The following ANKRD13C variants were observed in gnomAD, a reference collection of about 807,000 sequenced individuals.
ANKRD13C encodes ankyrin repeat domain-containing protein 13C.
ANKRD13C carries 16 observed loss-of-function variants against 65.5 expected under a neutral mutation model. The ratio of observed to expected loss-of-function variants is 0.24; its 90% CI spans 0.17 to 0.37. ANKRD13C has a LOEUF of 0.37. Ranked by LOEUF, ANKRD13C falls within the 10% of genes least tolerant of loss-of-function variation. The pLI, the probability that ANKRD13C is intolerant of heterozygous loss-of-function variation, is 1.00. For missense variants in ANKRD13C, 503 were observed against 655.9 expected (o/e 0.77, Z 2.55); for synonymous variants, 235 against 238.7 (o/e 0.98, Z 0.14).
intron 7 of ANKRD13C, 70 bp downstream of exon 7, chr1:70,300,694 G>A: frequency 2.2e-6 from 3 of 1,377,120 alleles, no homozygotes; most frequent in Non-Finnish European, 1.9e-6. Context: ...AAATTATACT[G>A]AGGTTTTGCT....
intron 1 of ANKRD13C, among the ~76,000 whole-genome samples, chr1:70,340,879 G>A (rs904258860): frequency 4.6e-5 from 7 of 152,090 alleles, no homozygotes; most frequent in African/African-American, 9.7e-5. Flanking sequence ...TTTGGAGGCC[G>A]AGGCAGATGG....
At chr1:70,314,205 T>C (rs781109010) in intron 4 of ANKRD13C, among the ~76,000 whole-genome samples, 2 of 151,722 alleles carry the variant, frequency 1.3e-5, no homozygotes, top group Non-Finnish European at 2.9e-5. Context: ...TGTCATCATA[T>C]AATATCTATG....
At chr1:70,327,628 A>G (rs1408477313) in intron 2 of ANKRD13C, among the ~76,000 whole-genome samples, 1 of 152,244 alleles carries the variant, frequency 6.6e-6, no homozygotes, top group African/African-American at 2.4e-5. Context: ...ATATTTTAAC[A>G]ATATCATTAA....
chr1:70,268,508 T>C (rs919226514), intron 12 of ANKRD13C, among the ~76,000 whole-genome samples: 4 of 152,234 alleles, frequency 2.6e-5, no homozygotes, highest in African/African-American at 9.6e-5. Flanking sequence ...AGATCCATAA[T>C]ACAAATGAAG....
intron 1 of ANKRD13C, among the ~76,000 whole-genome samples, chr1:70,350,034 T>C (rs1682682564): frequency 6.6e-6 from 1 of 152,132 alleles, no homozygotes; most frequent in Non-Finnish European, 1.5e-5. Flanking sequence ...TCCTAGCTTC[T>C]CAGGAGGCTG....
At chr1:70,308,163 C>T (rs1158314175) in intron 5 of ANKRD13C, among the ~76,000 whole-genome samples, 1 of 151,894 alleles carries the variant, frequency 6.6e-6, no homozygotes, top group East Asian at 1.9e-4. Flanking sequence ...TATCTCATTA[C>T]TTATTTATTT....
chr1:70,323,646 C>CA (rs200288291), intron 3 of ANKRD13C, among the ~76,000 whole-genome samples: 11,143 of 143,854 alleles, frequency 0.077, 539 homozygotes, highest in Non-Finnish European at 0.11. Context: ...GACTCCCTCT[C>CA]AAAAAAAAAA....
At chr1:70,281,377 G>A (rs1182026130) in intron 9 of ANKRD13C, among the ~76,000 whole-genome samples, 1 of 138,284 alleles carries the variant, frequency 7.2e-6, no homozygotes, top group Non-Finnish European at 1.6e-5. Context: ...GCAGCTAGGT[G>A]TTATCATGTG....
At chr1:70,339,447 T>C (rs903257328) in intron 1 of ANKRD13C, among the ~76,000 whole-genome samples, 20 of 151,296 alleles carry the variant, frequency 1.3e-4, no homozygotes, top group African/African-American at 3.4e-4. Flanking sequence ...GCCTCCCAAG[T>C]AGCTGGGATT....
chr1:70,352,701 T>C (rs547836368), intron 1 of ANKRD13C, among the ~76,000 whole-genome samples: 14 of 152,226 alleles, frequency 9.2e-5, no homozygotes, highest in African/African-American at 1.4e-4. Context: ...AGGGCTAGCA[T>C]AGAATTACCA....
intron 5 of ANKRD13C, among the ~76,000 whole-genome samples, chr1:70,308,150 TTA>T (rs993181740): frequency 2.0e-4 from 30 of 152,196 alleles, no homozygotes; most frequent in African/African-American, 6.7e-4. Flanking sequence ...TTTAACTTCA[TTA>T]TATCTCATTA....
At chr1:70,267,244 T>C (rs1257105283) in intron 12 of ANKRD13C, among the ~76,000 whole-genome samples, 1 of 152,180 alleles carries the variant, frequency 6.6e-6, no homozygotes, top group Non-Finnish European at 1.5e-5. Context: ...GCCAATCCTG[T>C]TTTCCTTTGA....
chr1:70,296,376 AGTTTCTAAATAAT>A (rs1221743205), intron 7 of ANKRD13C, 115 bp from the exon 8 acceptor site: 47 of 1,059,210 alleles, frequency 4.4e-5, no homozygotes, highest in Non-Finnish European at 6.2e-5. Flanking sequence ...CAAAAAGGAT[AGTTTCTAAATAAT>A]GTGAAGTGTT....
chr1:70,299,457 G>A (rs1403334755), intron 7 of ANKRD13C, among the ~76,000 whole-genome samples: 1 of 152,210 alleles, frequency 6.6e-6, no homozygotes, highest in Non-Finnish European at 1.5e-5. Flanking sequence ...GGATAATTTA[G>A]AAGCAGATGA....
chr1:70,282,135 A>C (rs1679424798), intron 9 of ANKRD13C, among the ~76,000 whole-genome samples: 1 of 149,458 alleles, frequency 6.7e-6, no homozygotes, highest in African/African-American at 2.5e-5. Context: ...GCTCACTGCA[A>C]GCTCTGCCTC....
intron 2 of ANKRD13C, among the ~76,000 whole-genome samples, chr1:70,327,135 A>C (rs2101549757): frequency 6.6e-6 from 1 of 152,294 alleles, no homozygotes; most frequent in East Asian, 1.9e-4. Flanking sequence ...ACTAATAACA[A>C]ACAGAAAAAT....
At chr1:70,263,374 C>G (rs991890149) in intron 12 of ANKRD13C, among the ~76,000 whole-genome samples, 1 of 152,074 alleles carries the variant, frequency 6.6e-6, no homozygotes, top group African/African-American at 2.4e-5. Flanking sequence ...TATCATACCA[C>G]CACAGCCTAA....
chr1:70,294,366 G>A lies in ANKRD13C; in HGVS notation c.1053+1764C>T, dbSNP rs187391738. 2.2e-3 allele frequency among the ~76,000 whole-genome samples: 335 copies of A among 152,302 alleles called. 1 individual carries two copies. Among genetic ancestry groups the A allele is most frequent in the Non-Finnish European group, 3.6e-3 (243 of 68,028 alleles). ...ATAAAGTTAAATGATAATTTTATGT[G>A]TCAGCGTGGCTACGCTATGATGCCA... On this transcript the variant is annotated intron_variant, in intron 8 of 12. Transcript: ENST00000370944.
intron 12 of ANKRD13C, among the ~76,000 whole-genome samples, chr1:70,268,683 C>T (rs779894149): frequency 5.3e-5 from 8 of 152,104 alleles, no homozygotes; most frequent in South Asian, 2.1e-4. Flanking sequence ...AAATCATCTG[C>T]GCTTAGGTTG....
Sources: gnomAD v4.1 joint callset for allele counts (sites outside exome capture counted in the v4.1 genomes callset) on GRCh38, gnomAD v4.1.1 for gene constraint, MANE v1.5 for transcripts, NCBI Gene and HGNC (gene_info 2026-07-23, HGNC 2026-07-21) for gene names.